SERINC5: variants seen among roughly 807,000 people sequenced by gnomAD.
SERINC5 encodes the protein chromosome 5 open reading frame 12.
SERINC5 carries 41 observed loss-of-function variants against 63.1 expected under a neutral mutation model. The ratio of observed to expected loss-of-function variants is 0.65; its 90% CI spans 0.51 to 0.84. The LOEUF (loss-of-function observed/expected upper bound fraction) is 0.84. Among genes scored for constraint, SERINC5 ranks in the 40% least tolerant of loss-of-function variants. The probability of loss-of-function intolerance (pLI) is 0.00; values close to 1 mark genes in which losing one functional copy is unlikely to be tolerated. For synonymous variants in SERINC5, 222 were observed against 215.2 expected, an observed-to-expected ratio of 1.03 and a Z score of -0.28; for missense variants, 523 against 573.0, an observed-to-expected ratio of 0.91 and a Z score of 0.89.
intron 1 of SERINC5, among the ~76,000 whole-genome samples, chr5:80,251,003 A>C (rs1752386243): frequency 6.6e-6 from 1 of 152,160 alleles, no homozygotes. Context: ...CGCTTTGTTT[A>C]TCTTTGATGA....
intron 12 of SERINC5, chr5:80,111,814 G>A (rs1360221496): frequency 6.6e-6 from 1 of 152,252 alleles, no homozygotes; most frequent in East Asian, 1.9e-4. Flanking sequence ...CAATGGTTTT[G>A]CCTTGAGATG....
chr5:80,223,503 G>T (rs952736110), intron 1 of SERINC5, among the ~76,000 whole-genome samples: 1 of 152,028 alleles, frequency 6.6e-6, no homozygotes, highest in Non-Finnish European at 1.5e-5. Flanking sequence ...GATACAGAGG[G>T]CTGACTATAT....
downstream of SERINC5, among the ~76,000 whole-genome samples, chr5:80,136,873 C>T (rs1458093667): frequency 7.2e-5 from 11 of 152,294 alleles, no homozygotes; most frequent in East Asian, 5.8e-4. Context: ...CAGTGGCTCG[C>T]GCCTGTAATC....
chr5:80,123,068 A>C (rs1561348406), intron 11 of SERINC5, among the ~76,000 whole-genome samples: 1 of 151,954 alleles, frequency 6.6e-6, no homozygotes, highest in East Asian at 1.9e-4. Flanking sequence ...CAGCAATAAA[A>C]AAACTAATAC....
chr5:80,242,755 A>T lies in SERINC5; in HGVS notation c.27+13141T>A, dbSNP rs921295698. ...ACAGAGTGAGACTCCATCTAAAAAA[A>T]ATATATAACATAAAAAAAGTAACCG... On this transcript the variant is annotated intron_variant, in intron 1 of 11. Transcript: ENST00000507668. Among the ~76,000 whole-genome samples the T allele has an allele frequency of 6.6e-5, 10 of 152,056 alleles. No individual in the cohort carries two copies. In the South Asian group the frequency reaches 8.3e-4, roughly 13 times the overall value.
intron 2 of SERINC5, 120 bp downstream of exon 2, chr5:80,202,762 CAAGG>C: frequency 1.1e-6 from 1 of 907,898 alleles, no homozygotes; most frequent in Non-Finnish European, 1.6e-6. Flanking sequence ...CAGGAAGGTT[CAAGG>C]AAACCAGGTA....
chr5:80,203,358 C>T (rs1373656498), intron 1 of SERINC5: 4 of 150,498 alleles, frequency 2.7e-5, no homozygotes, highest in South Asian at 2.1e-4. Context: ...TGCACATATA[C>T]ACACACACAC....
chr5:80,248,531 C>A (rs1398792214), intron 1 of SERINC5, among the ~76,000 whole-genome samples: 1 of 152,186 alleles, frequency 6.6e-6, no homozygotes, highest in Non-Finnish European at 1.5e-5. Flanking sequence ...TATTTTCATA[C>A]CCCAATAGAC....
At chr5:80,181,445 TAC>T (rs1561401804) in intron 2 of SERINC5, among the ~76,000 whole-genome samples, 4 of 149,790 alleles carry the variant, frequency 2.7e-5, no homozygotes, top group African/African-American at 9.7e-5. Flanking sequence ...TGTGTGTGTG[TAC>T]AGTTGGTGTT....
chr5:80,151,024 G>A, intron 8 of SERINC5, 76 bp from the exon 9 acceptor site: 1 of 1,086,286 alleles, frequency 9.2e-7, no homozygotes. Context: ...AAGCCGGCTG[G>A]CCAGTGCTCC....
Position 80,147,173 on chromosome 5 carries a change from C to T in SERINC5, c.1093+72G>A, listed in dbSNP as rs866591322. ...ATTCAAGTTATTTGTGTCTGAATCC[C>T]AAATGACTACAGATTAGAGTTATAG... On this transcript the variant is annotated intron_variant, in intron 10 of 11. Coordinates refer to ENST00000507668, the MANE Select transcript of SERINC5 (RefSeq NM_001174072.3). 5.1e-6 allele frequency: 7 copies of T among 1,383,026 alleles called. No individual in the cohort carries two copies. The Middle Eastern group carries it at 1.3e-3, about 247-fold the overall frequency. 85.7% of individuals were successfully genotyped at this position (1,383,026 alleles called of 1,614,324 possible).
chr5:80,228,341 A>C (rs1751267086), intron 1 of SERINC5, among the ~76,000 whole-genome samples: 1 of 151,720 alleles, frequency 6.6e-6, no homozygotes, highest in East Asian at 1.9e-4. Flanking sequence ...GAAAGAAAAA[A>C]TGTATAGACA....
intron 4 of SERINC5, 60 bp downstream of exon 4, chr5:80,177,255 G>T: frequency 8.0e-7 from 1 of 1,243,882 alleles, no homozygotes; most frequent in Non-Finnish European, 1.2e-6. Flanking sequence ...GCGCTTCTGA[G>T]CAATTTGACA....
intron 1 of SERINC5, among the ~76,000 whole-genome samples, chr5:80,216,616 G>T (rs1214197726): frequency 6.6e-6 from 1 of 152,160 alleles, no homozygotes; most frequent in Non-Finnish European, 1.5e-5. Flanking sequence ...GTTCTATTAA[G>T]AAAAAGGTAT....
At position 80,131,304 on chromosome 5, in the gene SERINC5, A is replaced by G. The variant is rs1580031027; in HGVS notation, c.1238+14786T>C. Among the ~76,000 whole-genome samples, 2 of 152,218 alleles carry G rather than the reference A, an allele frequency of 1.3e-5. 1 individual carries two copies. Among genetic ancestry groups the G allele is most frequent in the African/African-American group, 4.8e-5 (2 of 41,456 alleles). On this transcript the variant is annotated intron_variant, in intron 11 of 12. Transcript: ENST00000509193. Reference sequence around the variant, plus strand: ...TCTCTTGCCTGCCACCATGTAAGACATGACTTTGCTCCTCATTCGCCTTCA... The same window carrying G: ...TCTCTTGCCTGCCACCATGTAAGACGTGACTTTGCTCCTCATTCGCCTTCA...
At chr5:80,132,863 C>G (rs1745002530) in intron 11 of SERINC5, among the ~76,000 whole-genome samples, 1 of 152,154 alleles carries the variant, frequency 6.6e-6, no homozygotes. Flanking sequence ...AAACCTAAAG[C>G]CAATTGCTAC....
intron 2 of SERINC5, among the ~76,000 whole-genome samples, chr5:80,184,766 C>A (rs1421590701): frequency 2.6e-5 from 4 of 152,176 alleles, no homozygotes; most frequent in African/African-American, 9.7e-5. Context: ...AAATACATCA[C>A]ATACAAATTC....
chr5:80,143,857 A>C (rs1429234889), intron 11 of SERINC5, 47 bp from the exon 12 acceptor site: 15 of 1,529,862 alleles, frequency 9.8e-6, no homozygotes, highest in Non-Finnish European at 1.2e-5. Context: ...GAATATATTG[A>C]GATACAATTC....
In SERINC5 at chr5:80,233,447, C is replaced by A. The variant is rs191198451; in HGVS notation, c.27+22449G>T. ...CATCTCAAAAAAACAATAATAATTTCTTTAGTTAAAAATAACCTAATAGCC... is the reference window on the plus strand; with the variant it reads ...CATCTCAAAAAAACAATAATAATTTATTTAGTTAAAAATAACCTAATAGCC... On this transcript the variant is annotated intron_variant, in intron 1 of 11. Coordinates refer to ENST00000507668, the MANE Select transcript of SERINC5 (RefSeq NM_001174072.3). Among the ~76,000 whole-genome samples, 369 of 152,126 alleles carry A rather than the reference C, an allele frequency of 2.4e-3. 5 individuals are homozygous for A. Among genetic ancestry groups the A allele is most frequent in the Non-Finnish European group, 1.2e-3 (82 of 68,020 alleles).
Sources: allele counts gnomAD v4.1 joint callset (sites outside exome capture counted in the v4.1 genomes callset), GRCh38; gene constraint gnomAD v4.1.1; transcripts MANE v1.5; gene names NCBI Gene and HGNC (gene_info 2026-07-23, HGNC 2026-07-21).